The following NTRK2 variants were observed in gnomAD, a reference collection of about 807,000 sequenced individuals.
NTRK2 encodes the protein neurotrophic receptor tyrosine kinase 2.
A neutral mutation model predicts 94.5 loss-of-function variants in NTRK2; 13 were observed. That is an observed-to-expected ratio of 0.14 (90% CI 0.09 to 0.22). NTRK2 has a LOEUF of 0.22. Among genes scored for constraint, NTRK2 ranks in the 10% least tolerant of loss-of-function variants. The pLI, the probability that NTRK2 is intolerant of heterozygous loss-of-function variation, is 1.00. For synonymous variants in NTRK2, 372 were observed against 407.4 expected, an observed-to-expected ratio of 0.91 and a Z score of 1.05; for missense variants, 639 against 1,071.2, an observed-to-expected ratio of 0.60 and a Z score of 5.63.
chr9:85,005,157 G>A lies in NTRK2; in HGVS notation c.2173-15049G>A, dbSNP rs115568176. On this transcript the variant is annotated intron_variant, in intron 17 of 18. Transcript: ENST00000277120. Reference sequence around the variant, plus strand: ...AGAAAGCGTTGGTTATTGATACAGTGCAATTATGTCATTGTCAAATTATCT... The same window carrying A: ...AGAAAGCGTTGGTTATTGATACAGTACAATTATGTCATTGTCAAATTATCT... 6.7e-3 allele frequency among the ~76,000 whole-genome samples: 1,016 copies of A among 152,292 alleles called. 15 individuals are homozygous for A. Among genetic ancestry groups the A allele is most frequent in the African/African-American group, 0.024 (981 of 41,548 alleles).
chr9:84,680,259 G>A (rs2059313022), intron 2 of NTRK2, among the ~76,000 whole-genome samples: 1 of 152,192 alleles, frequency 6.6e-6, no homozygotes, highest in Non-Finnish European at 1.5e-5. Context: ...CTTATATCTA[G>A]CAAGAGACAG....
chr9:84,834,689 C>T (rs1024695457), intron 12 of NTRK2, among the ~76,000 whole-genome samples: 2 of 152,144 alleles, frequency 1.3e-5, no homozygotes, highest in African/African-American at 4.8e-5. Context: ...AGTTCTAGTT[C>T]AAGCCCACTG....
chr9:84,743,163 GT>G (rs1227288567), intron 10 of NTRK2, among the ~76,000 whole-genome samples: 3 of 152,018 alleles, frequency 2.0e-5, no homozygotes, highest in Middle Eastern at 3.2e-3. Flanking sequence ...TGCCAAGGAT[GT>G]TTTCCTAGGT....
intron 12 of NTRK2, among the ~76,000 whole-genome samples, chr9:84,760,280 G>A (rs1281674524): frequency 6.6e-6 from 1 of 152,186 alleles, no homozygotes; most frequent in African/African-American, 2.4e-5. Flanking sequence ...AATTAAATCA[G>A]TGCTTAGTTT....
chr9:84,721,107 ATAAAG>A (rs2062030561), intron 6 of NTRK2, among the ~76,000 whole-genome samples: 1 of 152,152 alleles, frequency 6.6e-6, no homozygotes, highest in African/African-American at 2.4e-5. Context: ...ATTTGATGAA[ATAAAG>A]TAAGTATTGC....
chr9:84,692,094 A>G (rs910872885), intron 2 of NTRK2, among the ~76,000 whole-genome samples: 1 of 152,162 alleles, frequency 6.6e-6, no homozygotes, highest in African/African-American at 2.4e-5. Flanking sequence ...TCATGGTTTA[A>G]TATGGTAAAT....
At chr9:84,925,520 G>T (rs1034597332) in intron 14 of NTRK2, among the ~76,000 whole-genome samples, 1 of 152,058 alleles carries the variant, frequency 6.6e-6, no homozygotes, top group African/African-American at 2.4e-5. Flanking sequence ...CTTGTTTTCT[G>T]TCTTTCCCTG....
intron 12 of NTRK2, among the ~76,000 whole-genome samples, chr9:84,770,926 C>T (rs1480240816): frequency 6.6e-6 from 1 of 152,142 alleles, no homozygotes; most frequent in African/African-American, 2.4e-5. Flanking sequence ...CCTTTCCCCC[C>T]TGGGTATTAA....
intron 14 of NTRK2, among the ~76,000 whole-genome samples, chr9:84,868,437 C>G (rs2075694176): frequency 6.6e-6 from 1 of 152,084 alleles, no homozygotes; most frequent in Non-Finnish European, 1.5e-5. Context: ...GTAACTTCAT[C>G]CTATTCACTC....
Position 84,689,447 on chromosome 9 carries a change from T to C in NTRK2, c.213-12712T>C, listed in dbSNP as rs536332527. Among the ~76,000 whole-genome samples the C allele has an allele frequency of 3.8e-4, 58 of 152,374 alleles. No homozygotes were observed. The South Asian group carries it at 0.012, about 31-fold the overall frequency. On this transcript the variant is annotated intron_variant, in intron 2 of 18. Coordinates refer to ENST00000277120, the MANE Select transcript of NTRK2 (RefSeq NM_006180.6). The stretch of plus-strand genomic sequence containing the variant: ...ACTTTGGTTTCTTTGATGGTCCTGG[T>C]CTATTTTATTGGTCAGGTTGTTTAT...
rs11140794 is a variant in NTRK2, at chr9:84,880,772, G to A, written c.1633+13341G>A. Reference sequence around the variant, plus strand: ...AACATCATACAGCACTTCTTTACTGGGCTTGGTAAGTGCAGATGAGTTAGA... The same window carrying A: ...AACATCATACAGCACTTCTTTACTGAGCTTGGTAAGTGCAGATGAGTTAGA... On this transcript the variant is annotated intron_variant, in intron 14 of 18. Transcript: ENST00000277120. Among the ~76,000 whole-genome samples, 104 of 152,212 alleles carry A rather than the reference G, an allele frequency of 6.8e-4. 1 individual carries two copies. The East Asian group carries it at 0.019, about 28-fold the overall frequency.
At chr9:84,909,759 T>C (rs1479166609) in intron 14 of NTRK2, among the ~76,000 whole-genome samples, 1 of 152,054 alleles carries the variant, frequency 6.6e-6, no homozygotes, top group African/African-American at 2.4e-5. Context: ...TCCCTTTTCT[T>C]CATCTTCTAA....
intron 14 of NTRK2, among the ~76,000 whole-genome samples, chr9:84,907,744 A>G (rs934017550): frequency 6.9e-6 from 1 of 144,968 alleles, no homozygotes; most frequent in Non-Finnish European, 1.5e-5. Flanking sequence ...TACAGATCTG[A>G]TATAAATAAA....
chr9:85,018,109 T>G (rs968457202), intron 17 of NTRK2, among the ~76,000 whole-genome samples: 1 of 152,182 alleles, frequency 6.6e-6, no homozygotes, highest in African/African-American at 2.4e-5. Context: ...GAAAATGGTC[T>G]GTTAAAATGT....
chr9:84,797,634 T>A (rs1365964192), intron 12 of NTRK2, among the ~76,000 whole-genome samples: 1 of 68,740 alleles, frequency 1.5e-5, no homozygotes. Context: ...ATATTATATA[T>A]TATATATACT....
At chr9:85,012,549 C>T (rs1224664710) in intron 17 of NTRK2, among the ~76,000 whole-genome samples, 1 of 152,044 alleles carries the variant, frequency 6.6e-6, no homozygotes, top group Non-Finnish European at 1.5e-5. Context: ...TGGCTTCTTC[C>T]AAAGAAAGAC....
chr9:84,976,787 A>G (rs1350928103), intron 17 of NTRK2, among the ~76,000 whole-genome samples: 2 of 152,142 alleles, frequency 1.3e-5, no homozygotes, highest in Non-Finnish European at 2.9e-5. Context: ...GGTTTCTTTG[A>G]CTTTTGTCCA....
At chr9:84,872,400 C>A (rs1269695167) in intron 14 of NTRK2, 28 of 1,088,824 alleles carry the variant, frequency 2.6e-5, no homozygotes, top group African/African-American at 3.2e-5. Flanking sequence ...CCCGTCGGAG[C>A]AAACACTATA....
At chr9:85,004,165 A>T (rs930061859) in intron 17 of NTRK2, among the ~76,000 whole-genome samples, 2 of 151,582 alleles carry the variant, frequency 1.3e-5, no homozygotes, top group Admixed American at 6.6e-5. Context: ...ACTTTTCAAA[A>T]GGGGGATGAA....
Sources: allele counts gnomAD v4.1 joint callset (sites outside exome capture counted in the v4.1 genomes callset), GRCh38; gene constraint gnomAD v4.1.1; transcripts MANE v1.5; gene names NCBI Gene and HGNC (gene_info 2026-07-23, HGNC 2026-07-21).